Variants in ATP2B2 observed in about 807,000 individuals in gnomAD.
ATP2B2 encodes ATPase plasma membrane Ca2+ transporting 2.
Under a neutral mutation model 120.0 loss-of-function variants are expected in ATP2B2, and 15 were observed. That is an observed-to-expected ratio of 0.12 (90% confidence interval 0.08 to 0.19). The LOEUF (loss-of-function observed/expected upper bound fraction) is 0.19. ATP2B2 is among the 10% of genes least tolerant of loss of function. ATP2B2 has a pLI of 1.00. For missense variants in ATP2B2, 1,045 were observed against 1,719.8 expected, an observed-to-expected ratio of 0.61 and a Z score of 6.94; for synonymous variants, 694 against 700.3, an observed-to-expected ratio of 0.99 and a Z score of 0.14.
chr3:10,639,497 T>C (rs1295004323), intron 1 of ATP2B2, among the ~76,000 whole-genome samples: 1 of 152,156 alleles, frequency 6.6e-6, no homozygotes, highest in Non-Finnish European at 1.5e-5. Flanking sequence ...GAGTCTCTTT[T>C]ATAGAATCAC....
chr3:10,516,529 A>G (rs1466817781), intron 3 of ATP2B2, among the ~76,000 whole-genome samples: 2 of 152,112 alleles, frequency 1.3e-5, no homozygotes, highest in African/African-American at 4.8e-5. Flanking sequence ...CTGTCGTTCC[A>G]GTTCTCATCC....
At chr3:10,607,890 T>C (rs1350149289) in intron 2 of ATP2B2, among the ~76,000 whole-genome samples, 1 of 152,154 alleles carries the variant, frequency 6.6e-6, no homozygotes, top group Non-Finnish European at 1.5e-5. Context: ...GGTGATACTA[T>C]ATCGAAGTCA....
chr3:10,476,857 T>C (rs775488897), intron 1 of ATP2B2, among the ~76,000 whole-genome samples: 1 of 152,110 alleles, frequency 6.6e-6, no homozygotes, highest in Non-Finnish European at 1.5e-5. Context: ...GCCTCGCCAG[T>C]GAGGAAGCAG....
chr3:10,584,493 C>T (rs567240053), intron 2 of ATP2B2, among the ~76,000 whole-genome samples: 65 of 152,246 alleles, frequency 4.3e-4, no homozygotes, highest in Admixed American at 2.0e-3. Context: ...CACCCATGGG[C>T]GCTTCTGTAC....
At position 10,327,026 on chromosome 3, in the gene ATP2B2, T is replaced by A. The variant is rs1443586433; in HGVS notation, c.*1788A>T. The A allele has an allele frequency of 2.5e-6, 1 of 397,206 alleles. No homozygotes were observed. Among genetic ancestry groups the A allele is most frequent in the Non-Finnish European group, 4.4e-6 (1 of 225,542 alleles). The allele number at this position is 397,206 out of a possible 1,614,324, so 24.6% of individuals were successfully genotyped here. A position where few individuals can be genotyped will look rare whatever the true frequency, so the allele number is the denominator to read the frequency against. On this transcript the variant is annotated 3_prime_UTR_variant, in exon 23 of 23. Coordinates refer to ENST00000360273, the MANE Select transcript of ATP2B2 (RefSeq NM_001001331.4). The stretch of plus-strand genomic sequence containing the variant: ...AAGCATGGGACATCATCGATCATGG[T>A]ATTCAAAATGTCTTTTGCACTGTAC...
At position 10,384,557 on chromosome 3, in the gene ATP2B2, G is replaced by A. The variant is rs17032777; in HGVS notation, c.1000+711C>T. 6.9e-3 allele frequency among the ~76,000 whole-genome samples: 1,045 copies of A among 152,254 alleles called. 12 individuals are homozygous for A. Among genetic ancestry groups the A allele is most frequent in the African/African-American group, 0.024 (998 of 41,548 alleles). ...GTGAATGGAACTCCTTCTTGCTTGCGTGTAAGGAGATTAAGATGCAGACAC... is the reference window on the plus strand; with the variant it reads ...GTGAATGGAACTCCTTCTTGCTTGCATGTAAGGAGATTAAGATGCAGACAC... On this transcript the variant is annotated intron_variant, in intron 8 of 22. Coordinates refer to ENST00000360273, the MANE Select transcript of ATP2B2 (RefSeq NM_001001331.4).
intron 1 of ATP2B2, among the ~76,000 whole-genome samples, chr3:10,463,689 T>C (rs1158236075): frequency 6.6e-6 from 1 of 152,236 alleles, no homozygotes. Context: ...CACTGCAGCA[T>C]GTGGGTCAGG....
chr3:10,625,002 C>T (rs917973501), intron 1 of ATP2B2, among the ~76,000 whole-genome samples: 8 of 152,128 alleles, frequency 5.3e-5, no homozygotes, highest in East Asian at 1.9e-4. Flanking sequence ...ACAGAGCTGG[C>T]GGCAGCTTTG....
chr3:10,371,142 C>T (rs965982553), intron 12 of ATP2B2, among the ~76,000 whole-genome samples: 10 of 152,224 alleles, frequency 6.6e-5, no homozygotes, highest in Admixed American at 2.0e-4. Context: ...GGGCTGGCCT[C>T]CTGACTTACA....
intron 5 of ATP2B2, among the ~76,000 whole-genome samples, chr3:10,400,158 C>T (rs2062171241): frequency 6.6e-6 from 1 of 152,264 alleles, no homozygotes; most frequent in African/African-American, 2.4e-5. Flanking sequence ...GTTTCCCCAC[C>T]TCTTCTCTGC....
Position 10,557,402 on chromosome 3 carries a change from C to T in ATP2B2, c.-414-23269G>A, listed in dbSNP as rs570033711. Among the ~76,000 whole-genome samples the T allele has an allele frequency of 7.9e-5, 12 of 152,354 alleles. No homozygotes were observed. In the East Asian group the frequency reaches 1.3e-3, roughly 17 times the overall value. ...CTTTGCGGCATCTGGGCTGCCTGGA[C>T]GAAGCTAGATTCCCAGGGAGTTTGT... On this transcript the variant is annotated intron_variant, in intron 2 of 21. Coordinates refer to the ATP2B2 transcript ENST00000646379.
At chr3:10,406,931 A>G (rs2062432935) in intron 3 of ATP2B2, among the ~76,000 whole-genome samples, 1 of 152,176 alleles carries the variant, frequency 6.6e-6, no homozygotes, top group Non-Finnish European at 1.5e-5. Context: ...ATCTGCTAAG[A>G]GCAGGCCTCC....
At chr3:10,658,208 G>A (rs1243017028) in intron 1 of ATP2B2, among the ~76,000 whole-genome samples, 2 of 151,266 alleles carry the variant, frequency 1.3e-5, no homozygotes, top group African/African-American at 4.9e-5. Flanking sequence ...CCAAAGGAAC[G>A]CAGCTCCGCA....
intron 10 of ATP2B2, among the ~76,000 whole-genome samples, chr3:10,376,621 C>G (rs1247410100): frequency 6.6e-6 from 1 of 152,212 alleles, no homozygotes; most frequent in African/African-American, 2.4e-5. Flanking sequence ...GGAGACTGCT[C>G]ACACCCGCAG....
chr3:10,333,207 CTCCT>C (rs2060027551), intron 22 of ATP2B2, among the ~76,000 whole-genome samples: 1 of 152,176 alleles, frequency 6.6e-6, no homozygotes, highest in African/African-American at 2.4e-5. Flanking sequence ...AGTGGATTGA[CTCCT>C]TCCAGGGCAC....
intron 1 of ATP2B2, among the ~76,000 whole-genome samples, chr3:10,657,794 G>C (rs1219609063): frequency 6.6e-6 from 1 of 152,246 alleles, no homozygotes; most frequent in African/African-American, 2.4e-5. Flanking sequence ...TGGACAGACT[G>C]CCTCCTCAAG....
chr3:10,383,945 T>A (rs73014689), intron 8 of ATP2B2, among the ~76,000 whole-genome samples: 7,068 of 152,202 alleles, frequency 0.046, 192 homozygotes, highest in South Asian at 0.082. Context: ...CCCTCTAGGT[T>A]CCTTCTCTCT....
rs544333948 is a variant in ATP2B2 at position 10,358,870 on chromosome 3, G to T, written c.1957C>A (p.Arg653=). The T allele has an allele frequency of 1.2e-6, 2 of 1,614,086 alleles. No homozygotes were observed. The highest frequency in any genetic ancestry group is 2.2e-5 in the South Asian group (2 of 91,070). ...ATCACCTTCTTTACCATCTCGTCCC[G>T]GTCGCGGGGCCGGAAGACACGAGGC... ...GEPRVFRPRD[R]DEMVKKVIEP... Residue 653 remains arginine, a synonymous_variant, in exon 14 of 23, where the codon CGG becomes AGG. Transcript: ENST00000360273.
chr3:10,485,311 G>C (rs1184508828), intron 1 of ATP2B2, among the ~76,000 whole-genome samples: 1 of 152,248 alleles, frequency 6.6e-6, no homozygotes, highest in Non-Finnish European at 1.5e-5. Context: ...CTGAGGCTCA[G>C]AGAGGTGAGG....
Sources: allele counts gnomAD v4.1 joint callset (sites outside exome capture counted in the v4.1 genomes callset), GRCh38; gene constraint gnomAD v4.1.1; transcripts MANE v1.5; gene names NCBI Gene and HGNC (gene_info 2026-07-23, HGNC 2026-07-21).